The following PICALM variants were observed in gnomAD, a reference collection of about 807,000 sequenced individuals.
PICALM encodes the protein phosphatidylinositol binding clathrin assembly protein.
A neutral mutation model predicts 80.5 loss-of-function variants in PICALM; 40 were observed. The ratio of observed to expected loss-of-function variants is 0.50; its 90% confidence interval spans 0.39 to 0.65. The LOEUF is 0.65. Ranked by LOEUF, PICALM falls within the 30% of genes least tolerant of loss-of-function variation. PICALM has a pLI of 0.00. For synonymous variants in PICALM, 288 were observed against 260.3 expected (o/e 1.11, Z -1.02); for missense variants, 676 against 778.9 (o/e 0.87, Z 1.57).
At chr11:86,051,590 G>A (rs1219518121) in intron 1 of PICALM, among the ~76,000 whole-genome samples, 1 of 152,168 alleles carries the variant, frequency 6.6e-6, no homozygotes, top group Non-Finnish European at 1.5e-5. Context: ...GAACCTGGGA[G>A]GCAGAGGTTG....
At chr11:86,054,681 T>C (rs1220421685) in intron 1 of PICALM, among the ~76,000 whole-genome samples, 1 of 152,260 alleles carries the variant, frequency 6.6e-6, no homozygotes, top group Non-Finnish European at 1.5e-5. Flanking sequence ...TAAAAATTTA[T>C]TATGCATTTA....
chr11:86,022,704 A>C (rs1209969216), intron 3 of PICALM, among the ~76,000 whole-genome samples: 1 of 151,926 alleles, frequency 6.6e-6, no homozygotes, highest in African/African-American at 2.4e-5. Context: ...TAAAAAAAAA[A>C]CCTCTTCCCT....
At chr11:86,031,405 G>C (rs747467795) in intron 2 of PICALM, 64 bp downstream of exon 2, 1 of 1,328,410 alleles carries the variant, frequency 7.5e-7, no homozygotes, top group Admixed American at 2.2e-5. Context: ...AAGTTTCAGT[G>C]AGAGAAGCTA....
At chr11:86,050,030 T>C (rs1201107386) in intron 1 of PICALM, among the ~76,000 whole-genome samples, 1 of 151,068 alleles carries the variant, frequency 6.6e-6, no homozygotes, top group Non-Finnish European at 1.5e-5. Flanking sequence ...CAAAACCCCA[T>C]CTCTACTAAA....
At chr11:86,039,491 G>A (rs1056120827) in intron 1 of PICALM, among the ~76,000 whole-genome samples, 1 of 152,134 alleles carries the variant, frequency 6.6e-6, no homozygotes, top group Non-Finnish European at 1.5e-5. Context: ...AAAATTGCCA[G>A]GTAAAATGAC....
At chr11:86,028,875 G>C (rs1450213007) in intron 2 of PICALM, among the ~76,000 whole-genome samples, 2 of 130,004 alleles carry the variant, frequency 1.5e-5, no homozygotes, top group Non-Finnish European at 3.2e-5. Context: ...CTCTTGCTTT[G>C]TTGCCCAGGC....
chr11:85,971,075 A>G (rs1429666602), intron 19 of PICALM, among the ~76,000 whole-genome samples: 2 of 152,210 alleles, frequency 1.3e-5, no homozygotes, highest in East Asian at 3.9e-4. Context: ...GGAATTACAA[A>G]ATAATTAAAA....
At chr11:85,978,892 T>C (rs2094357108) in intron 17 of PICALM, among the ~76,000 whole-genome samples, 1 of 152,210 alleles carries the variant, frequency 6.6e-6, no homozygotes, top group Non-Finnish European at 1.5e-5. Context: ...CTGGTATTTA[T>C]ATCATTCCTC....
At chr11:86,003,692 T>G (rs538381455) in intron 8 of PICALM, 1 of 315,006 alleles carries the variant, frequency 3.2e-6, no homozygotes, top group African/African-American at 2.1e-5. Context: ...TATGTAAACA[T>G]GAAACATTTT....
chr11:86,024,418 A>T (rs529972369), intron 3 of PICALM, among the ~76,000 whole-genome samples: 125 of 135,590 alleles, frequency 9.2e-4, no homozygotes, highest in South Asian at 6.0e-3. Context: ...CAGTCACATT[A>T]AAAAAAAAAA....
intron 11 of PICALM, among the ~76,000 whole-genome samples, chr11:85,999,662 C>T (rs1015216062): frequency 3.3e-5 from 5 of 152,148 alleles, no homozygotes; most frequent in African/African-American, 1.2e-4. Context: ...AAGCAGTTCA[C>T]GTAGTAAAAC....
At chr11:86,052,161 G>T (rs1320481434) in intron 1 of PICALM, among the ~76,000 whole-genome samples, 1 of 152,186 alleles carries the variant, frequency 6.6e-6, no homozygotes, top group Admixed American at 6.5e-5. Context: ...TTTCTCCCAT[G>T]CTGTTCTCAT....
chr11:86,040,863 T>A (rs1430663340), intron 1 of PICALM, among the ~76,000 whole-genome samples: 3 of 152,156 alleles, frequency 2.0e-5, no homozygotes, highest in Non-Finnish European at 4.4e-5. Context: ...GCCAAATACT[T>A]AGATATACAA....
intron 2 of PICALM, among the ~76,000 whole-genome samples, chr11:86,030,172 T>C (rs906978936): frequency 4.6e-5 from 7 of 152,202 alleles, no homozygotes; most frequent in African/African-American, 1.7e-4. Flanking sequence ...AAGCTAAGTA[T>C]ATTTTATCTA....
At position 86,068,844 on chromosome 11, in the gene PICALM, C is replaced by T. The variant is rs919751353; in HGVS notation, c.-64G>A. 8.0e-6 allele frequency: 12 copies of T among 1,509,254 alleles called. No individual in the cohort carries two copies. Among genetic ancestry groups the T allele is most frequent in the Non-Finnish European group, 9.7e-6 (11 of 1,131,384 alleles). The allele number at this position is 1,509,254 out of a possible 1,614,324, so 93.5% of individuals were successfully genotyped here. Reference sequence around the variant, plus strand: ...GGCGGGGACTGGGACCCCCAAGAGCCGGAGGGTCCCCACCCCCCACCGCAC... The same window carrying T: ...GGCGGGGACTGGGACCCCCAAGAGCTGGAGGGTCCCCACCCCCCACCGCAC... On this transcript the variant is annotated 5_prime_UTR_variant, in exon 1 of 20. Coordinates refer to ENST00000393346, the MANE Select transcript of PICALM (RefSeq NM_007166.4).
Position 86,068,833 on chromosome 11 carries a change from C to T in PICALM, c.-53G>A. ...GCTCAGCAGCCGGCGGGGACTGGGA[C>T]CCCCAAGAGCCGGAGGGTCCCCACC... is the stretch of plus-strand genomic sequence containing the variant. On this transcript the variant is annotated 5_prime_UTR_variant, in exon 1 of 20. Coordinates refer to ENST00000393346, the MANE Select transcript of PICALM (RefSeq NM_007166.4). 1.3e-6 allele frequency: 2 copies of T among 1,531,580 alleles called. No homozygotes were observed. The highest frequency in any genetic ancestry group is 2.0e-5 in the Admixed American group (1 of 50,442). The allele number at this position is 1,531,580 out of a possible 1,614,324, so 94.9% of individuals were successfully genotyped here. A position where few individuals can be genotyped will look rare whatever the true frequency, so the allele number is the denominator to read the frequency against.
At chr11:85,973,146 T>TA (rs34260197) in intron 19 of PICALM, among the ~76,000 whole-genome samples, 1 of 151,984 alleles carries the variant, frequency 6.6e-6, no homozygotes, top group South Asian at 2.1e-4. Context: ...AAGGGTGGGG[T>TA]AAAAAAAGAG....
intron 13 of PICALM, among the ~76,000 whole-genome samples, chr11:85,986,794 G>T (rs960499089): frequency 5.9e-5 from 9 of 152,078 alleles, no homozygotes; most frequent in Non-Finnish European, 1.3e-4. Flanking sequence ...ACACATACAC[G>T]CGTGCGCACA....
At chr11:86,054,783 T>C (rs1428873472) in intron 1 of PICALM, among the ~76,000 whole-genome samples, 1 of 152,156 alleles carries the variant, frequency 6.6e-6, no homozygotes, top group African/African-American at 2.4e-5. Context: ...GTCACTCATT[T>C]TTTCTTTTTG....
Sources: allele counts gnomAD v4.1 joint callset (sites outside exome capture counted in the v4.1 genomes callset), GRCh38; gene constraint gnomAD v4.1.1; transcripts MANE v1.5; gene names NCBI Gene and HGNC (gene_info 2026-07-23, HGNC 2026-07-21).